Variants in F8 observed in about 807,000 individuals in gnomAD.
F8 encodes antihemophilic factor.
F8 carries 12 observed loss-of-function variants against 140.6 expected under a neutral mutation model. That is an observed-to-expected ratio of 0.09 (90% confidence interval 0.05 to 0.14). The LOEUF (loss-of-function observed/expected upper bound fraction) is 0.14. F8 is among the 10% of genes least tolerant of loss of function. The pLI is 1.00. For missense variants in F8, 1,354 were observed against 1,720.7 expected, an observed-to-expected ratio of 0.79 and a Z score of 3.77; for synonymous variants, 585 against 614.6, an observed-to-expected ratio of 0.95 and a Z score of 0.71.
chrX:154,869,139 G>C (rs1235464201), intron 22 of F8, among the ~76,000 whole-genome samples: 1 of 111,141 alleles, frequency 9.0e-6, no homozygotes, highest in Non-Finnish European at 1.9e-5. Flanking sequence ...AGATTAATGA[G>C]ACAGAAAATT....
intron 22 of F8, among the ~76,000 whole-genome samples, chrX:154,877,673 A>G (rs1236987938): frequency 9.0e-6 from 1 of 111,249 alleles, no homozygotes; most frequent in Non-Finnish European, 1.9e-5. Flanking sequence ...GCTTCCAGAA[A>G]GAAATGCAGC....
intron 14 of F8, among the ~76,000 whole-genome samples, chrX:154,922,833 C>T (rs1196126528): frequency 1.8e-5 from 2 of 111,565 alleles, no homozygotes; most frequent in Non-Finnish European, 3.8e-5. Context: ...GGTCAAATTT[C>T]GTAGGGTCTT....
At chrX:154,843,125 A>T (rs1330514580) in intron 25 of F8, among the ~76,000 whole-genome samples, 2 of 112,011 alleles carry the variant, frequency 1.8e-5, no homozygotes, top group African/African-American at 3.2e-5. Flanking sequence ...GGACATGAAC[A>T]GATCCTTTTT....
chrX:154,856,616 G>C (rs57044663), intron 25 of F8, among the ~76,000 whole-genome samples: 1 of 111,775 alleles, frequency 8.9e-6, no homozygotes, highest in African/African-American at 3.3e-5. Flanking sequence ...TAAAAACAGA[G>C]TCACGGCCTC....
intron 21 of F8, among the ~76,000 whole-genome samples, chrX:154,898,460 C>CT (rs1218132435): frequency 1.3e-4 from 14 of 111,864 alleles, no homozygotes; most frequent in Admixed American, 5.7e-4. Context: ...TGGTTATCAA[C>CT]TTAAAGGGAG....
At chrX:154,978,609 T>C (rs955367736) in intron 6 of F8, among the ~76,000 whole-genome samples, 1 of 112,172 alleles carries the variant, frequency 8.9e-6, no homozygotes, top group Non-Finnish European at 1.9e-5. Flanking sequence ...TTTTTTTATT[T>C]GGATCTCTTG....
At chrX:154,837,876 G>A in intron 25 of F8, 124 bp from the exon 26 acceptor site, 1 of 692,579 alleles carries the variant, frequency 1.4e-6, no homozygotes, top group Non-Finnish European at 2.2e-6. Context: ...AAGATGACTA[G>A]ATGACTCTGT....
At chrX:154,961,858 T>C (rs1557281611) in intron 9 of F8, among the ~76,000 whole-genome samples, 2 of 111,335 alleles carry the variant, frequency 1.8e-5, no homozygotes, top group African/African-American at 3.3e-5. Flanking sequence ...ACGTGGTGGA[T>C]TCCCCTCCCT....
At chrX:154,877,637 C>G (rs1007916337) in intron 22 of F8, among the ~76,000 whole-genome samples, 2 of 110,959 alleles carry the variant, frequency 1.8e-5, no homozygotes, top group South Asian at 3.9e-4. Flanking sequence ...GGACTACAGG[C>G]GACCGAAAAA....
intron 25 of F8, among the ~76,000 whole-genome samples, chrX:154,843,817 G>A (rs2072541731): frequency 9.0e-6 from 1 of 111,496 alleles, no homozygotes; most frequent in South Asian, 3.7e-4. Context: ...TGTCAATTTT[G>A]GCTTTTGTTG....
chrX:154,995,427 C>T (rs1557285020), intron 3 of F8, among the ~76,000 whole-genome samples: 1 of 111,785 alleles, frequency 8.9e-6, no homozygotes, highest in African/African-American at 3.3e-5. Flanking sequence ...CTATGTCCAT[C>T]CCTTTGGTTG....
chrX:154,943,238 G>A lies in F8; in HGVS notation c.2113+4460C>T, dbSNP rs5987067. Among the ~76,000 whole-genome samples the A allele has an allele frequency of 6.9e-3, 768 of 111,837 alleles. 7 individuals are homozygous for A. Among genetic ancestry groups the A allele is most frequent in the African/African-American group, 0.023 (702 of 30,750 alleles). On this transcript the variant is annotated intron_variant, in intron 13 of 25. Transcript: ENST00000360256. ...AGAGGAAGTCAAATTGTCCCTGTTT[G>A]CAGATGTCAGGATTGTATATCTAGA...
At chrX:155,020,145 C>T (rs1557287379) in intron 1 of F8, among the ~76,000 whole-genome samples, 2 of 111,621 alleles carry the variant, frequency 1.8e-5, no homozygotes, top group Non-Finnish European at 3.8e-5. Flanking sequence ...ATATCATAGG[C>T]TCACTGTAAT....
At chrX:154,864,680 T>G (rs1262906279) in intron 22 of F8, among the ~76,000 whole-genome samples, 1 of 112,343 alleles carries the variant, frequency 8.9e-6, no homozygotes, top group Non-Finnish European at 1.9e-5. Flanking sequence ...TATTGCTGAA[T>G]ATAGCTGAAG....
chrX:154,980,824 A>G (rs1557283465), intron 6 of F8, among the ~76,000 whole-genome samples: 2 of 111,568 alleles, frequency 1.8e-5, no homozygotes, highest in African/African-American at 6.5e-5. Context: ...CCGAAAATTT[A>G]GCCAGGCATA....
intron 12 of F8, among the ~76,000 whole-genome samples, chrX:154,948,303 A>C (rs2073317757): frequency 8.9e-6 from 1 of 111,738 alleles, no homozygotes; most frequent in Non-Finnish European, 1.9e-5. Context: ...AGATCCCTGT[A>C]CTTCAAAGAA....
Position 154,929,538 on chromosome X carries a change from T to G in F8, c.4252A>C (p.Ile1418Leu), listed in dbSNP as rs782274577. The G allele has an allele frequency of 4.1e-6, 5 of 1,208,934 alleles. No individual in the cohort carries two copies. The highest frequency in any genetic ancestry group is 5.6e-6 in the Non-Finnish European group (5 of 894,344). Residue 1418 changes from isoleucine to leucine, a missense_variant, in exon 14 of 26, where the codon ATT becomes CTT. Ile to Leu is a conservative substitution (Grantham distance 5, BLOSUM62 2). Around this residue, in one of 4 missense-constraint regions of F8, gnomAD observed 658 missense variants for 666.5 expected, o/e 0.99. Coordinates refer to ENST00000360256, the MANE Select transcript of F8 (RefSeq NM_000132.4). ...PIAKVSSFPSIRPIYLTRVLF... is the reference protein window; with the variant it reads ...PIAKVSSFPSLRPIYLTRVLF... ...ACCCTGGTCAGATATATAGGTCTAATAGATGGAAATGATGATACCTTTGCA... is the reference window on the plus strand; with the variant it reads ...ACCCTGGTCAGATATATAGGTCTAAGAGATGGAAATGATGATACCTTTGCA...
chrX:154,896,000 G>C, intron 22 of F8, 77 bp downstream of exon 22: 1 of 967,275 alleles, frequency 1.0e-6, no homozygotes, highest in Non-Finnish European at 1.5e-6. Flanking sequence ...GAAGCTAAGA[G>C]TGTTTGTCCA....
chrX:154,958,178 G>A (rs1317300982), intron 10 of F8, among the ~76,000 whole-genome samples: 1 of 111,322 alleles, frequency 9.0e-6, no homozygotes, highest in East Asian at 2.8e-4. Context: ...TCCATGACAT[G>A]AGAGATGTTT....
Sources: allele counts gnomAD v4.1 joint callset (sites outside exome capture counted in the v4.1 genomes callset), GRCh38; gene constraint gnomAD v4.1.1; regional missense constraint gnomAD v4.1.1; transcripts MANE v1.5; gene names NCBI Gene and HGNC (gene_info 2026-07-23, HGNC 2026-07-21).